The following SRGAP3 variants were observed in gnomAD, a reference collection of about 807,000 sequenced individuals.
SRGAP3 encodes the protein SLIT-ROBO Rho GTPase activating protein 3.
Under a neutral mutation model 121.1 loss-of-function variants are expected in SRGAP3, and 39 were observed. That is an observed-to-expected ratio of 0.32 (90% CI 0.25 to 0.42). SRGAP3 has a LOEUF of 0.42. SRGAP3 is among the 10% of genes least tolerant of loss of function. The pLI, the probability that SRGAP3 is intolerant of heterozygous loss-of-function variation, is 1.00. For synonymous variants in SRGAP3, 601 were observed against 570.0 expected (o/e 1.05, Z -0.77); for missense variants, 1,213 against 1,470.6 (o/e 0.82, Z 2.86).
intron 3 of SRGAP3, among the ~76,000 whole-genome samples, chr3:9,273,825 T>G (rs1350160477): frequency 6.6e-6 from 1 of 152,120 alleles, no homozygotes; most frequent in Non-Finnish European, 1.5e-5. Context: ...GTCCAGTTTT[T>G]CCAAAACCAT....
At chr3:9,177,501 C>T (rs950269458) in intron 1 of SRGAP3, among the ~76,000 whole-genome samples, 2 of 152,074 alleles carry the variant, frequency 1.3e-5, no homozygotes, top group African/African-American at 2.4e-5. Context: ...GACCATGCCA[C>T]GGAGTCTGAC....
rs758840153 is a variant in SRGAP3, at chr3:9,051,837, C to A, written c.1323+1190G>T. On this transcript the variant is annotated intron_variant, in intron 9 of 21. Transcript: ENST00000383836. The stretch of plus-strand genomic sequence containing the variant: ...AAGCAATTCTCCTGCCTCAGCCTCC[C>A]AAGTAGCTGGGACTACAGGTGCACG... Among the ~76,000 whole-genome samples, 5 of 151,780 alleles carry A rather than the reference C, an allele frequency of 3.3e-5. No homozygotes were observed. The South Asian group carries it at 1.0e-3, about 32-fold the overall frequency.
chr3:9,264,754 C>A (rs914482960), intron 3 of SRGAP3, among the ~76,000 whole-genome samples: 37 of 152,220 alleles, frequency 2.4e-4, no homozygotes, highest in Non-Finnish European at 1.9e-4. Flanking sequence ...ATTCCATGCT[C>A]ATGGATAGGA....
In SRGAP3 at chr3:8,994,438, C is replaced by G; in HGVS notation, c.2313G>C (p.Leu771=). Reference sequence around the variant, plus strand: ...CCTCCGAGGCGCGGTGGTACAGGAGCAGCGAGGCCCCCTTCTTGAAGGATA... The same window carrying G: ...CCTCCGAGGCGCGGTGGTACAGGAGGAGCGAGGCCCCCTTCTTGAAGGATA... ...RELSFKKGAS[L]LLYHRASEDW... The change falls in exon 19 of 22, where the codon CTG becomes CTC. Residue 771 remains leucine (L), a synonymous_variant. Transcript: ENST00000383836. 1 of 1,614,244 alleles carries G rather than the reference C, an allele frequency of 6.2e-7. No homozygotes were observed. The highest frequency in any genetic ancestry group is 8.5e-7 in the Non-Finnish European group (1 of 1,180,046).
At chr3:9,301,351 G>C (rs1454717024) in intron 3 of SRGAP3, among the ~76,000 whole-genome samples, 1 of 152,214 alleles carries the variant, frequency 6.6e-6, no homozygotes, top group Admixed American at 6.5e-5. Context: ...CAGGTCCCCC[G>C]CCTGCCCAGA....
chr3:9,279,566 T>C (rs943400461), intron 3 of SRGAP3, among the ~76,000 whole-genome samples: 11 of 144,132 alleles, frequency 7.6e-5, no homozygotes, highest in Non-Finnish European at 1.2e-4. Flanking sequence ...CAGGCTGGAG[T>C]GCAGTGGCGC....
intron 1 of SRGAP3, chr3:9,193,923 C>T (rs901790523): frequency 6.6e-6 from 1 of 152,340 alleles, no homozygotes; most frequent in African/African-American, 2.4e-5. Flanking sequence ...CACTGGGAAA[C>T]GCTCATTAGC....
chr3:9,300,087 T>C (rs899120373), intron 3 of SRGAP3, among the ~76,000 whole-genome samples: 1 of 140,860 alleles, frequency 7.1e-6, no homozygotes, highest in African/African-American at 2.6e-5. Context: ...AGATAATGTA[T>C]GAGAAATACT....
chr3:9,232,228 G>C (rs749638964), intron 1 of SRGAP3, among the ~76,000 whole-genome samples: 9 of 152,160 alleles, frequency 5.9e-5, no homozygotes, highest in Non-Finnish European at 1.2e-4. Context: ...CAGTTCAGCT[G>C]ATGTCTGAGC....
At chr3:9,281,212 AG>A (rs1954670763) in intron 3 of SRGAP3, among the ~76,000 whole-genome samples, 1 of 152,218 alleles carries the variant, frequency 6.6e-6, no homozygotes. Context: ...TTACAGTATC[AG>A]GCAGCATGGC....
intron 2 of SRGAP3, among the ~76,000 whole-genome samples, chr3:9,123,783 T>TAC (rs1314277177): frequency 2.0e-5 from 3 of 148,386 alleles, no homozygotes; most frequent in Non-Finnish European, 3.0e-5. Context: ...TGTGTGTGTA[T>TAC]ACACAGAGAG....
intron 3 of SRGAP3, 107 bp from the exon 4 acceptor site, chr3:9,080,194 G>GGGGTAC: frequency 9.4e-7 from 1 of 1,058,422 alleles, no homozygotes; most frequent in Non-Finnish European, 1.4e-6. Flanking sequence ...GGGGTCAGAA[G>GGGGTAC]GGGTACAGAA....
At chr3:9,352,021 A>C (rs549080981) in intron 1 of SRGAP3, among the ~76,000 whole-genome samples, 11 of 152,292 alleles carry the variant, frequency 7.2e-5, no homozygotes, top group Admixed American at 2.0e-4. Context: ...TCCTGCCAAC[A>C]GACAACCTGG....
intron 2 of SRGAP3, among the ~76,000 whole-genome samples, chr3:9,329,559 T>C (rs779408539): frequency 3.9e-5 from 6 of 152,118 alleles, no homozygotes; most frequent in Non-Finnish European, 7.4e-5. Flanking sequence ...CAACACATGG[T>C]GTCTGGGTAA....
At position 8,994,527 on chromosome 3, in the gene SRGAP3, G is replaced by C. The variant is rs367904220; in HGVS notation, c.2228-4C>G. On this transcript the variant is annotated splice_region_variant and splice_polypyrimidine_tract_variant and intron_variant, in intron 18 of 21. Transcript: ENST00000383836. The stretch of plus-strand genomic sequence containing the variant: ...ATAGCCTCGATCTGCTCCACTTCTG[G>C]AAGGAAATCAAGGGAAAAAGCGTCT... The C allele has an allele frequency of 2.5e-6, 4 of 1,612,852 alleles. No individual in the cohort carries two copies. The African/African-American group carries it at 5.3e-5, about 22-fold the overall frequency.
At chr3:9,081,098 C>G (rs935313095) in intron 3 of SRGAP3, among the ~76,000 whole-genome samples, 19 of 152,190 alleles carry the variant, frequency 1.2e-4, no homozygotes, top group African/African-American at 4.6e-4. Flanking sequence ...GAAGGCTTGT[C>G]TTCCTTGACT....
intron 1 of SRGAP3, 170 bp from the exon 2 acceptor site, chr3:9,125,087 CAA>C: frequency 2.7e-6 from 2 of 735,314 alleles, no homozygotes; most frequent in Non-Finnish European, 4.5e-6. Flanking sequence ...AGCATTGGCA[CAA>C]AGATTTCTCT....
intron 3 of SRGAP3, among the ~76,000 whole-genome samples, chr3:9,255,728 G>C (rs545757494): frequency 6.6e-6 from 1 of 152,188 alleles, no homozygotes; most frequent in Non-Finnish European, 1.5e-5. Context: ...ATTCCAGAAA[G>C]AGGAGGTTGG....
At chr3:9,299,274 T>C (rs765995332) in intron 3 of SRGAP3, among the ~76,000 whole-genome samples, 100 of 149,250 alleles carry the variant, frequency 6.7e-4, no homozygotes, top group African/African-American at 2.3e-3. Context: ...GGCAGGAGAA[T>C]TGCTTGAACT....
Sources: gnomAD v4.1 joint callset for allele counts (sites outside exome capture counted in the v4.1 genomes callset) on GRCh38, gnomAD v4.1.1 for gene constraint, MANE v1.5 for transcripts, NCBI Gene and HGNC (gene_info 2026-07-23, HGNC 2026-07-21) for gene names.